The following CHD6 variants were observed in gnomAD, a reference collection of about 807,000 sequenced individuals.
CHD6 encodes ATP-dependent chromatin remodeler CHD6.
Under a neutral mutation model 276.9 loss-of-function variants are expected in CHD6, and 50 were observed. That is an observed-to-expected ratio of 0.18 (90% CI 0.14 to 0.23). The LOEUF (loss-of-function observed/expected upper bound fraction) is 0.23, where lower values mean the gene tolerates loss of function less well. Among genes scored for constraint, CHD6 ranks in the 10% least tolerant of loss-of-function variants. CHD6 has a pLI of 1.00. For missense variants in CHD6, 2,564 were observed against 3,365.8 expected (o/e 0.76, Z 5.89); for synonymous variants, 1,173 against 1,229.3 (o/e 0.95, Z 0.96).
chr20:41,421,601 T>C lies in CHD6; in HGVS notation c.5034A>G (p.Thr1678=), dbSNP rs1461054721. Residue 1678 remains threonine (T), a synonymous_variant, in exon 31 of 37, where the codon ACA becomes ACG. Coordinates refer to ENST00000373233, the MANE Select transcript of CHD6 (RefSeq NM_032221.5). ...GAACTTTAGAAATAAAGTTTTCACA[T>C]GTCACATCAGGCAGGCTGAGATGAT... ...RDDHLSLPDV[T]CENFISKVQD... 3.1e-6 allele frequency: 5 copies of C among 1,613,874 alleles called. No homozygotes were observed. Among genetic ancestry groups the C allele is most frequent in the Non-Finnish European group, 3.4e-6 (4 of 1,179,984 alleles).
At chr20:41,602,299 T>C (rs1045297783) in intron 1 of CHD6, among the ~76,000 whole-genome samples, 1 of 152,198 alleles carries the variant, frequency 6.6e-6, no homozygotes, top group Non-Finnish European at 1.5e-5. Context: ...TCCCTCTCTC[T>C]TTCTTCCTGG....
chr20:41,449,936 T>C (rs545218057), intron 23 of CHD6, among the ~76,000 whole-genome samples: 6 of 152,364 alleles, frequency 3.9e-5, no homozygotes, highest in Admixed American at 1.3e-4. Context: ...AAAGGTTCTT[T>C]TGATGACAAT....
intron 27 of CHD6, among the ~76,000 whole-genome samples, chr20:41,431,776 C>CTTTTTT (rs61227802): frequency 0.039 from 4,119 of 104,344 alleles, 438 homozygotes; most frequent in African/African-American, 0.15. Context: ...AAAAAACATG[C>CTTTTTT]TTTTTTTTTT....
chr20:41,560,096 G>C (rs921950294), intron 1 of CHD6, among the ~76,000 whole-genome samples: 33 of 152,034 alleles, frequency 2.2e-4, no homozygotes, highest in African/African-American at 8.0e-4. Context: ...GCCTGAAACA[G>C]CCTCTTAAGT....
chr20:41,517,695 CA>C (rs1339092426), intron 3 of CHD6, among the ~76,000 whole-genome samples: 1 of 152,206 alleles, frequency 6.6e-6, no homozygotes, highest in Admixed American at 6.5e-5. Flanking sequence ...TTACATTCTA[CA>C]AAGTACTTAT....
chr20:41,585,637 T>G (rs2045587063), intron 1 of CHD6, among the ~76,000 whole-genome samples: 1 of 152,028 alleles, frequency 6.6e-6, no homozygotes, highest in African/African-American at 2.4e-5. Flanking sequence ...CGCTGGTGAA[T>G]TTTACTGTAT....
intron 3 of CHD6, among the ~76,000 whole-genome samples, chr20:41,528,741 T>C (rs1219001996): frequency 6.6e-6 from 1 of 152,222 alleles, no homozygotes. Flanking sequence ...TTTTAGGCTT[T>C]TATCTCTTAA....
rs147835058 is a variant in CHD6 at position 41,504,649 on chromosome 20, A to G, written c.853-5292T>C. On this transcript the variant is annotated intron_variant, in intron 5 of 36. Coordinates refer to ENST00000373233, the MANE Select transcript of CHD6 (RefSeq NM_032221.5). ...GGCCTCGAAATTCTAAGCTCAAAGC[A>G]ATACTCCAGCCTTGGTCTCCAAAAG... 6.3e-3 allele frequency among the ~76,000 whole-genome samples: 965 copies of G among 152,234 alleles called. 11 individuals carry two copies. Among genetic ancestry groups the G allele is most frequent in the Middle Eastern group, 0.024 (7 of 294 alleles).
chr20:41,611,672 G>C (rs751389614), intron 1 of CHD6, among the ~76,000 whole-genome samples: 13 of 151,904 alleles, frequency 8.6e-5, no homozygotes, highest in Non-Finnish European at 1.5e-4. Context: ...ACCCAGGCTG[G>C]AGTGCGATGG....
chr20:41,618,027 G>A (rs967158950), intron 1 of CHD6, among the ~76,000 whole-genome samples: 1 of 147,502 alleles, frequency 6.8e-6, no homozygotes, highest in South Asian at 2.1e-4. Flanking sequence ...CCTGCGCGCG[G>A]CCCGCAGCGG....
At chr20:41,605,715 ATTGTT>A (rs1185704230) in intron 1 of CHD6, among the ~76,000 whole-genome samples, 1 of 152,258 alleles carries the variant, frequency 6.6e-6, no homozygotes, top group East Asian at 1.9e-4. Flanking sequence ...TGTAAGACTT[ATTGTT>A]TTAACTAGTA....
intron 1 of CHD6, among the ~76,000 whole-genome samples, chr20:41,610,969 A>C (rs1237436363): frequency 6.6e-6 from 1 of 152,180 alleles, no homozygotes; most frequent in Admixed American, 6.5e-5. Context: ...AAAAGCTTCA[A>C]AAGTCATGTT....
intron 27 of CHD6, among the ~76,000 whole-genome samples, chr20:41,431,291 G>A (rs1328807032): frequency 6.6e-6 from 1 of 152,154 alleles, no homozygotes; most frequent in East Asian, 1.9e-4. Flanking sequence ...TTTAAGAAAG[G>A]GATGAAGCCA....
Position 41,404,330 on chromosome 20 carries a change from G to A in CHD6, c.*263C>T. 2.5e-6 allele frequency: 3 copies of A among 1,187,440 alleles called. No individual in the cohort carries two copies. Among genetic ancestry groups the A allele is most frequent in the Non-Finnish European group, 2.1e-6 (2 of 957,598 alleles). 73.6% of individuals were successfully genotyped at this position (1,187,440 alleles called of 1,614,324 possible). On this transcript the variant is annotated 3_prime_UTR_variant, in exon 37 of 37. Transcript: ENST00000373233. ...GGGGTAGGGCGTGTCACCAAGTACT[G>A]TATTAACTATGATTGCTGGAATGAA...
intron 11 of CHD6, 92 bp from the exon 12 acceptor site, chr20:41,490,113 T>C: frequency 9.8e-7 from 1 of 1,017,422 alleles, no homozygotes. Flanking sequence ...CACATACCTG[T>C]AAGATTATCA....
chr20:41,475,762 A>G (rs1452863936), intron 16 of CHD6, among the ~76,000 whole-genome samples: 1 of 152,196 alleles, frequency 6.6e-6, no homozygotes, highest in African/African-American at 2.4e-5. Flanking sequence ...CATCAGAGTT[A>G]GATACCACAT....
intron 23 of CHD6, among the ~76,000 whole-genome samples, chr20:41,450,671 T>G (rs1041419717): frequency 4.6e-5 from 7 of 152,166 alleles, no homozygotes; most frequent in Non-Finnish European, 8.8e-5. Context: ...ACCTGACTGG[T>G]TTTTGAGAGT....
At position 41,403,462 on chromosome 20, in the gene CHD6, G is replaced by A. The variant is rs773657560; in HGVS notation, c.*1131C>T. 1.6e-5 allele frequency: 17 copies of A among 1,061,620 alleles called. No individual in the cohort carries two copies. The Admixed American group carries it at 2.1e-4, about 13-fold the overall frequency. The allele number at this position is 1,061,620 out of a possible 1,614,324, so 65.8% of individuals were successfully genotyped here. Reference sequence around the variant, plus strand: ...TAATGTTGACTTGCAATGTAGTTTCGATTAACTGATAATTTGGAATTTGGG... The same window carrying A: ...TAATGTTGACTTGCAATGTAGTTTCAATTAACTGATAATTTGGAATTTGGG... On this transcript the variant is annotated 3_prime_UTR_variant, in exon 37 of 37. Transcript: ENST00000373233.
At chr20:41,512,740 T>A in intron 5 of CHD6, 106 bp downstream of exon 5, 1 of 1,316,778 alleles carries the variant, frequency 7.6e-7, no homozygotes, top group Non-Finnish European at 1.1e-6. Context: ...CAAGCAGCAG[T>A]TAAAATGATC....
Sources: allele counts gnomAD v4.1 joint callset (sites outside exome capture counted in the v4.1 genomes callset), GRCh38; gene constraint gnomAD v4.1.1; transcripts MANE v1.5; gene names NCBI Gene and HGNC (gene_info 2026-07-23, HGNC 2026-07-21).